Variants in CRX observed in about 807,000 individuals in gnomAD.
CRX encodes the protein cone-rod homeobox protein.
A neutral mutation model predicts 13.1 loss-of-function variants in CRX; 5 were observed. The ratio of observed to expected loss-of-function variants is 0.38; its 90% CI spans 0.20 to 0.80. The LOEUF is 0.80. Ranked by LOEUF, CRX falls within the 30% of genes least tolerant of loss-of-function variation. CRX has a pLI of 0.43. For synonymous variants in CRX, 179 were observed against 171.1 expected, an observed-to-expected ratio of 1.05 and a Z score of -0.36; for missense variants, 351 against 391.8, an observed-to-expected ratio of 0.90 and a Z score of 0.88.
rs571412142 is a variant in CRX, at chr19:47,827,239, C to T, written c.-36+5229C>T. 2.0e-5 allele frequency among the ~76,000 whole-genome samples: 3 copies of T among 152,194 alleles called. No homozygotes were observed. In the East Asian group the frequency reaches 5.8e-4, roughly 29 times the overall value. On this transcript the variant is annotated intron_variant, in intron 1 of 3. Transcript: ENST00000221996. ...AGCACTGAGCCTTCTCGTGACATTC[C>T]TACCAGGTTTTACTTGTTCTTTCTG... is the stretch of plus-strand genomic sequence containing the variant.
rs1283874334 is a variant in CRX, at chr19:47,841,446, G to T, written c.*1479G>T. 2 of 151,994 alleles carry T rather than the reference G, an allele frequency of 1.3e-5. No homozygotes were observed. Among genetic ancestry groups the T allele is most frequent in the African/African-American group, 4.8e-5 (2 of 41,358 alleles). The allele number at this position is 151,994 out of a possible 1,614,324, so 9.4% of individuals were successfully genotyped here. A position where few individuals can be genotyped will look rare whatever the true frequency, so the allele number is the denominator to read the frequency against. On this transcript the variant is annotated 3_prime_UTR_variant, in exon 4 of 4. Coordinates refer to ENST00000221996, the MANE Select transcript of CRX (RefSeq NM_000554.6). ...CTTGGGACGTACCACCTATAGTTGT[G>T]GCTATTTCACAGAGAAGCAGCAGCT...
At chr19:47,836,447 G>T in intron 3 of CRX, 53 bp downstream of exon 3, 1 of 1,611,600 alleles carries the variant, frequency 6.2e-7, no homozygotes, top group East Asian at 2.2e-5. Context: ...ATCTCAGGAG[G>T]CCTGCCCGGA....
chr19:47,829,512 G>A (rs1246407575), intron 1 of CRX, among the ~76,000 whole-genome samples: 4 of 151,828 alleles, frequency 2.6e-5, no homozygotes, highest in Admixed American at 2.0e-4. Flanking sequence ...TGTATTTTTA[G>A]TAGAGACAGG....
chr19:47,832,345 A>T (rs1968061782), intron 1 of CRX, among the ~76,000 whole-genome samples: 1 of 151,432 alleles, frequency 6.6e-6, no homozygotes, highest in Admixed American at 6.6e-5. Flanking sequence ...ACCTCTGGTG[A>T]TCTGCCTGCC....
At chr19:47,833,861 G>C (rs1418405776) in intron 1 of CRX, among the ~76,000 whole-genome samples, 2 of 151,984 alleles carry the variant, frequency 1.3e-5, no homozygotes, top group Non-Finnish European at 2.9e-5. Context: ...TGTCACCCAG[G>C]CTGGAGTGCA....
rs73941293 is a variant in CRX, at chr19:47,836,091, C to G, written c.101-152C>G. On this transcript the variant is annotated intron_variant, in intron 2 of 3. Coordinates refer to ENST00000221996, the MANE Select transcript of CRX (RefSeq NM_000554.6). The stretch of plus-strand genomic sequence containing the variant: ...CATGAGCCACAGAGTGCCAGGCACA[C>G]AGTGAGGTGTAGAAGGGCAGGGAAT... The G allele has an allele frequency of 3.5e-3, 3,249 of 936,174 alleles. 61 individuals are homozygous for G. The African/African-American group carries it at 0.044, about 13-fold the overall frequency. The allele number at this position is 936,174 out of a possible 1,614,324, so 58.0% of individuals were successfully genotyped here.
chr19:47,837,918 T>C (rs911199151), intron 3 of CRX, among the ~76,000 whole-genome samples: 2 of 149,994 alleles, frequency 1.3e-5, no homozygotes, highest in African/African-American at 4.9e-5. Flanking sequence ...GTCTACATAA[T>C]GTATGTGTGT....
intron 1 of CRX, among the ~76,000 whole-genome samples, chr19:47,830,887 C>T (rs1028888315): frequency 6.6e-6 from 1 of 151,730 alleles, no homozygotes; most frequent in East Asian, 1.9e-4. Context: ...AGATACAAAA[C>T]TGGTTAAAGA....
intron 2 of CRX, among the ~76,000 whole-genome samples, chr19:47,835,620 G>T (rs149357349): frequency 6.5e-4 from 66 of 102,140 alleles, no homozygotes; most frequent in African/African-American, 8.6e-4. Flanking sequence ...TTTAGCTCTT[G>T]TTTTTTTTTT....
At chr19:47,838,704 A>T (rs988781867) in intron 3 of CRX, among the ~76,000 whole-genome samples, 1 of 151,994 alleles carries the variant, frequency 6.6e-6, no homozygotes, top group Admixed American at 6.6e-5. Context: ...TGTATGTATA[A>T]TTGTATGTGT....
intron 1 of CRX, among the ~76,000 whole-genome samples, chr19:47,824,167 G>A (rs1599966444): frequency 1.3e-5 from 2 of 152,334 alleles, no homozygotes; most frequent in Non-Finnish European, 1.5e-5. Flanking sequence ...AGACTTGGGG[G>A]TGAAGAGCGG....
At position 47,836,351 on chromosome 19, in the gene CRX, A is replaced by T. The variant is rs746588900; in HGVS notation, c.209A>T (p.Glu70Val). 1 of 1,614,186 alleles carries T rather than the reference A, an allele frequency of 6.2e-7. No individual in the cohort carries two copies. The highest frequency in any genetic ancestry group is 1.7e-5 in the Admixed American group (1 of 60,018). The change falls in exon 3 of 4, where the codon GAG becomes GTG. Residue 70 changes from glutamate (E) to valine (V), a missense_variant. Transcript: ENST00000221996. ...KTQYPDVYAR[E>V]EVALKINLPE... ...CAGTACCCAGACGTCTATGCCCGTG[A>T]GGAGGTGGCTCTGAAGATCAATCTG... is the stretch of plus-strand genomic sequence containing the variant.
At chr19:47,830,600 C>T (rs113976634) in intron 1 of CRX, among the ~76,000 whole-genome samples, 6,871 of 151,900 alleles carry the variant, frequency 0.045, 540 homozygotes, top group African/African-American at 0.16. Context: ...TCGAGACCAG[C>T]TTGGCTAACA....
At chr19:47,822,610 C>T (rs1036498407) in intron 1 of CRX, among the ~76,000 whole-genome samples, 1 of 152,142 alleles carries the variant, frequency 6.6e-6, no homozygotes, top group African/African-American at 2.4e-5. Context: ...TTGGGCCTGC[C>T]CGAGAGAGCC....
At chr19:47,823,429 C>T (rs1004870702) in intron 1 of CRX, among the ~76,000 whole-genome samples, 3 of 152,124 alleles carry the variant, frequency 2.0e-5, no homozygotes, top group Non-Finnish European at 4.4e-5. Flanking sequence ...TTGTTGATCA[C>T]GGAGTTGATT....
chr19:47,838,542 C>CATGTATG (rs1968147170), intron 3 of CRX, among the ~76,000 whole-genome samples: 1 of 151,898 alleles, frequency 6.6e-6, no homozygotes, highest in Admixed American at 6.6e-5. Flanking sequence ...TCCATTAATG[C>CATGTATG]ATGTATGATG....
chr19:47,826,275 T>C (rs773567472), intron 1 of CRX, among the ~76,000 whole-genome samples: 11 of 152,074 alleles, frequency 7.2e-5, no homozygotes, highest in Non-Finnish European at 1.0e-4. Context: ...TGATCCCGGG[T>C]AAGTCACACT....
intron 3 of CRX, among the ~76,000 whole-genome samples, chr19:47,837,538 G>A (rs1257278723): frequency 6.6e-6 from 1 of 152,170 alleles, no homozygotes; most frequent in Non-Finnish European, 1.5e-5. Flanking sequence ...AAATGTGTGT[G>A]TTAGTATGAT....
Position 47,839,844 on chromosome 19 carries a change from C to T in CRX, c.777C>T (p.Gly259=), listed in dbSNP as rs373752882. Residue 259 remains glycine, a synonymous_variant, in exon 4 of 4, where the codon GGC becomes GGT. Coordinates refer to ENST00000221996, the MANE Select transcript of CRX (RefSeq NM_000554.6). This position sits in a 1 kb window ranked among gnomAD's most constrained non-coding sequence, Gnocchi z 4.6. The part of the protein sequence containing the change: ...SPTSLSGQSY[G]AYSPVDSLEF... Reference sequence around the variant, plus strand: ...CCTCCCTATCAGGCCAGAGCTATGGCGCCTACAGCCCCGTGGATAGCTTGG... The same window carrying T: ...CCTCCCTATCAGGCCAGAGCTATGGTGCCTACAGCCCCGTGGATAGCTTGG... 9.9e-6 allele frequency: 16 copies of T among 1,614,014 alleles called. No homozygotes were observed. The highest frequency in any genetic ancestry group is 2.2e-5 in the South Asian group (2 of 91,086).
Sources: allele counts gnomAD v4.1 joint callset (sites outside exome capture counted in the v4.1 genomes callset), GRCh38; gene constraint gnomAD v4.1.1; non-coding constraint Gnocchi (gnomAD v3.1); transcripts MANE v1.5; gene names NCBI Gene and HGNC (gene_info 2026-07-23, HGNC 2026-07-21).